Variants in SGTB observed in about 807,000 individuals in gnomAD.
The protein encoded by SGTB is small glutamine-rich tetratricopeptide repeat-containing protein beta.
SGTB carries 19 observed loss-of-function variants against 43.9 expected under a neutral mutation model. The ratio of observed to expected loss-of-function variants is 0.43; its 90% CI spans 0.30 to 0.63. The LOEUF is 0.63. Ranked by LOEUF, SGTB falls within the 30% of genes least tolerant of loss-of-function variation. The pLI, the probability that SGTB is intolerant of heterozygous loss-of-function variation, is 0.12. For synonymous variants in SGTB, 116 were observed against 117.3 expected (o/e 0.99, Z 0.07); for missense variants, 304 against 358.9 (o/e 0.85, Z 1.24).
intron 5 of SGTB, among the ~76,000 whole-genome samples, chr5:65,688,841 G>A (rs1757547964): frequency 6.6e-6 from 1 of 152,110 alleles, no homozygotes; most frequent in Admixed American, 6.6e-5. Context: ...GTGGAGTCTT[G>A]CTCTGTCGCC....
intron 3 of SGTB, among the ~76,000 whole-genome samples, 159 bp downstream of exon 3, chr5:65,712,802 A>C (rs1219338233): frequency 6.6e-6 from 1 of 152,268 alleles, no homozygotes; most frequent in African/African-American, 2.4e-5. Flanking sequence ...TAAATGAGTT[A>C]TATTTTAGAT....
At chr5:65,702,028 G>A (rs1419929265) in intron 5 of SGTB, among the ~76,000 whole-genome samples, 2 of 152,212 alleles carry the variant, frequency 1.3e-5, no homozygotes, top group Non-Finnish European at 2.9e-5. Flanking sequence ...GTGGCTAGTG[G>A]CAACTGAGTT....
intron 2 of SGTB, among the ~76,000 whole-genome samples, chr5:65,716,918 C>G (rs906361118): frequency 6.6e-6 from 1 of 151,804 alleles, no homozygotes; most frequent in African/African-American, 2.4e-5. Flanking sequence ...GCAGTGGACC[C>G]TGGGTACACC....
Position 65,720,832 on chromosome 5 carries a change from T to C in SGTB, c.-22-3A>G, listed in dbSNP as rs915946056. 1 of 1,598,794 alleles carries C rather than the reference T, an allele frequency of 6.3e-7. No individual in the cohort carries two copies. Among genetic ancestry groups the C allele is most frequent in the Non-Finnish European group, 8.5e-7 (1 of 1,176,304 alleles). ...TTTTAGAAGCTTAAACACTTTTCCT[T>C]GATAAGAAAAATGAAAACACTGAAC... On this transcript the variant is annotated splice_region_variant and splice_polypyrimidine_tract_variant and intron_variant, in intron 1 of 10. Coordinates refer to ENST00000381007, the MANE Select transcript of SGTB (RefSeq NM_019072.3).
At chr5:65,706,350 T>G in intron 4 of SGTB, among the ~76,000 whole-genome samples, 1 of 152,212 alleles carries the variant, frequency 6.6e-6, no homozygotes, top group East Asian at 1.9e-4. Flanking sequence ...TTGATGTTGC[T>G]GTTGGGCTCT....
intron 5 of SGTB, among the ~76,000 whole-genome samples, chr5:65,686,164 G>C (rs1757494578): frequency 1.3e-5 from 2 of 152,194 alleles, no homozygotes; most frequent in Admixed American, 1.3e-4. Context: ...AGTCAAAGTG[G>C]GGTGCCAGCA....
chr5:65,718,429 A>C (rs770399636), intron 2 of SGTB, among the ~76,000 whole-genome samples: 1 of 152,250 alleles, frequency 6.6e-6, no homozygotes, highest in Non-Finnish European at 1.5e-5. Context: ...AGGGAACTAA[A>C]ATAATCATCA....
intron 8 of SGTB, among the ~76,000 whole-genome samples, chr5:65,676,446 C>T (rs556513918): frequency 5.3e-5 from 8 of 152,200 alleles, no homozygotes; most frequent in African/African-American, 1.9e-4. Flanking sequence ...GCAAGTACTT[C>T]GAGAGCTTCA....
chr5:65,680,556 T>C lies in SGTB; in HGVS notation c.619A>G (p.Thr207Ala), dbSNP rs748116512. The C allele has an allele frequency of 1.2e-6, 2 of 1,614,140 alleles. No individual in the cohort carries two copies. The highest frequency in any genetic ancestry group is 1.7e-5 in the Admixed American group (1 of 60,024). The stretch of plus-strand genomic sequence containing the variant: ...ATGTCAAAGCTCAGTCCAGTTCCTG[T>C]CTGTAAAACAATTATATCTGAGAAT... Reference protein sequence around the residue: ...EQKLREVSSPTGTGLSFDMAS... With the variant: ...EQKLREVSSPAGTGLSFDMAS... The change falls in exon 8 of 11, where the codon ACA (threonine) becomes GCA (alanine). Residue 207 changes from threonine to alanine, a missense_variant and splice_region_variant. Coordinates refer to ENST00000381007, the MANE Select transcript of SGTB (RefSeq NM_019072.3).
intron 3 of SGTB, among the ~76,000 whole-genome samples, chr5:65,711,934 C>T (rs530494848): frequency 2.6e-5 from 4 of 152,056 alleles, no homozygotes; most frequent in African/African-American, 2.4e-5. Context: ...AAGGAGCCCA[C>T]GAGGCACCAC....
At chr5:65,706,693 G>C (rs767028217) in intron 4 of SGTB, among the ~76,000 whole-genome samples, 48 of 151,862 alleles carry the variant, frequency 3.2e-4, no homozygotes, top group Admixed American at 5.3e-4. Flanking sequence ...TTAGCTGGGC[G>C]TGGTGGCACA....
intron 6 of SGTB, among the ~76,000 whole-genome samples, chr5:65,682,121 T>C (rs936378621): frequency 6.6e-6 from 1 of 152,156 alleles, no homozygotes; most frequent in African/African-American, 2.4e-5. Context: ...TGGAAAGATC[T>C]GAGTGATGTA....
chr5:65,676,176 AG>A (rs1661919240), intron 8 of SGTB, among the ~76,000 whole-genome samples: 1 of 152,180 alleles, frequency 6.6e-6, no homozygotes, highest in Non-Finnish European at 1.5e-5. Flanking sequence ...AGAAAAAAGC[AG>A]TGGTCGCAAT....
At chr5:65,673,263 CCCTT>C (rs1185054079) in intron 8 of SGTB, among the ~76,000 whole-genome samples, 3 of 152,326 alleles carry the variant, frequency 2.0e-5, no homozygotes, top group Non-Finnish European at 2.9e-5. Context: ...TAAAACTTCT[CCCTT>C]CCTAGCATGG....
Position 65,671,932 on chromosome 5 carries a change from C to G in SGTB, c.786G>C (p.Leu262=). The G allele has an allele frequency of 6.2e-7, 1 of 1,613,918 alleles. No homozygotes were observed. The highest frequency in any genetic ancestry group is 8.5e-7 in the Non-Finnish European group (1 of 1,179,926). Residue 262 remains leucine, a synonymous_variant, in exon 10 of 11, where the codon CTG becomes CTC. Coordinates refer to ENST00000381007, the MANE Select transcript of SGTB (RefSeq NM_019072.3). ...PAAGVGGLTD[L]SSLIQAGQQF... is the part of the protein sequence containing the mutation. ...ATACTTACGCTTGGATGAGGCTTGA[C>G]AGGTCAGTTAGGCCCCCAACTCCAG...
In SGTB at chr5:65,712,988, T is replaced by C; in HGVS notation, c.177A>G (p.Thr59=). The change falls in exon 3 of 11, where the codon ACA becomes ACG. Residue 59 remains threonine (T), a synonymous_variant. Transcript: ENST00000381007. ...DTHLAVSQPL[T]EMFTSSFCKN... is the part of the protein sequence containing the mutation. ...TACAGAAGGAACTGGTAAACATTTC[T>C]GTCAAAGGCTGTGAAACTGCTAGGT... 6.2e-7 allele frequency: 1 copy of C among 1,613,646 alleles called. No individual in the cohort carries two copies. The highest frequency in any genetic ancestry group is 1.7e-4 in the Middle Eastern group (1 of 6,058).
At chr5:65,683,755 G>C (rs1054378332) in intron 6 of SGTB, among the ~76,000 whole-genome samples, 1 of 151,960 alleles carries the variant, frequency 6.6e-6, no homozygotes, top group Non-Finnish European at 1.5e-5. Context: ...GACCATCCTG[G>C]CTAACGCAGT....
At chr5:65,711,016 A>AAT (rs1491072728) in intron 3 of SGTB, among the ~76,000 whole-genome samples, 1 of 141,442 alleles carries the variant, frequency 7.1e-6, no homozygotes, top group African/African-American at 2.6e-5. Flanking sequence ...AAAAAAAAAA[A>AAT]TAGCCAGGCG....
chr5:65,716,013 G>A (rs556214398), intron 2 of SGTB, among the ~76,000 whole-genome samples: 44 of 152,254 alleles, frequency 2.9e-4, no homozygotes, highest in Non-Finnish European at 1.0e-4. Flanking sequence ...CAAGTGATCC[G>A]CCCGCCTCGG....
Sources: gnomAD v4.1 joint callset for allele counts (sites outside exome capture counted in the v4.1 genomes callset) on GRCh38, gnomAD v4.1.1 for gene constraint, MANE v1.5 for transcripts, NCBI Gene and HGNC (gene_info 2026-07-23, HGNC 2026-07-21) for gene names.